PDE1C: variants seen among roughly 807,000 people sequenced by gnomAD.
PDE1C encodes the protein phosphodiesterase 1C.
Under a neutral mutation model 93.1 loss-of-function variants are expected in PDE1C, and 62 were observed. The observed-to-expected ratio is 0.67, with a 90% CI of 0.54 to 0.82. PDE1C has a LOEUF of 0.82. PDE1C is among the 40% of genes least tolerant of loss of function. The pLI is 0.00. For missense variants in PDE1C, 742 were observed against 884.6 expected (o/e 0.84, Z 2.04); for synonymous variants, 325 against 310.1 (o/e 1.05, Z -0.50).
At chr7:31,757,428 CAG>C (rs1240689264) in intron 17 of PDE1C, among the ~76,000 whole-genome samples, 1 of 152,170 alleles carries the variant, frequency 6.6e-6, no homozygotes, top group Non-Finnish European at 1.5e-5. Flanking sequence ...AATCATCTAT[CAG>C]AGTTATTCTA....
chr7:32,171,123 G>A (rs1282803254), intron 2 of PDE1C, among the ~76,000 whole-genome samples: 1 of 152,166 alleles, frequency 6.6e-6, no homozygotes, highest in East Asian at 1.9e-4. Context: ...ACATGACATG[G>A]AAGCCCTCTC....
chr7:31,802,281 T>G (rs540913163), intron 16 of PDE1C, among the ~76,000 whole-genome samples: 4 of 151,636 alleles, frequency 2.6e-5, no homozygotes, highest in Admixed American at 6.6e-5. Context: ...ATGCTCTTAA[T>G]TTACCTCAAT....
intron 2 of PDE1C, among the ~76,000 whole-genome samples, chr7:32,023,392 T>C (rs1788953358): frequency 6.6e-6 from 1 of 152,132 alleles, no homozygotes; most frequent in Non-Finnish European, 1.5e-5. Context: ...TACAATCTGA[T>C]GACTTTTTTT....
chr7:31,865,709 G>A (rs1445729170), intron 6 of PDE1C, among the ~76,000 whole-genome samples: 3 of 151,960 alleles, frequency 2.0e-5, no homozygotes, highest in African/African-American at 4.8e-5. Context: ...ACAGACTATC[G>A]CATTTTGGTT....
At chr7:32,063,202 T>C (rs1795011448) in intron 1 of PDE1C, among the ~76,000 whole-genome samples, 1 of 152,270 alleles carries the variant, frequency 6.6e-6, no homozygotes, top group Non-Finnish European at 1.5e-5. Context: ...TCTATTGTAA[T>C]GTGCCTTATA....
At chr7:31,887,830 T>C (rs1051559690) in intron 2 of PDE1C, among the ~76,000 whole-genome samples, 2 of 152,220 alleles carry the variant, frequency 1.3e-5, no homozygotes, top group Non-Finnish European at 2.9e-5. Flanking sequence ...TTCAAGTGTA[T>C]GGAAATTTAG....
intron 1 of PDE1C, among the ~76,000 whole-genome samples, chr7:32,413,839 A>C (rs543585744): frequency 6.6e-6 from 1 of 152,218 alleles, no homozygotes; most frequent in East Asian, 1.9e-4. Context: ...CATTATAACT[A>C]TGTCTCAGAA....
the PDE1C span, chr7:31,643,739 C>G: frequency 6.2e-7 from 1 of 1,614,046 alleles, no homozygotes; most frequent in East Asian, 2.2e-5. Context: ...TCAGGCTTCT[C>G]TAGTATCTGC....
chr7:31,671,375 A>G, the PDE1C span, among the ~76,000 whole-genome samples: 1 of 152,192 alleles, frequency 6.6e-6, no homozygotes, highest in South Asian at 2.1e-4. Flanking sequence ...CAAGGGGTTG[A>G]GTGCAGCAAG....
At chr7:32,397,013 C>T (rs1049152441) in intron 1 of PDE1C, among the ~76,000 whole-genome samples, 24 of 152,058 alleles carry the variant, frequency 1.6e-4, no homozygotes, top group African/African-American at 3.9e-4. Flanking sequence ...AATTAAAAAA[C>T]GAAACCAAAT....
At chr7:31,683,606 C>G in the PDE1C span, among the ~76,000 whole-genome samples, 1 of 152,020 alleles carries the variant, frequency 6.6e-6, no homozygotes, top group African/African-American at 2.4e-5. Flanking sequence ...TGGAGACAAC[C>G]AACGAGATCC....
At chr7:31,929,755 G>A (rs553043638) in intron 2 of PDE1C, among the ~76,000 whole-genome samples, 41 of 152,220 alleles carry the variant, frequency 2.7e-4, no homozygotes, top group Admixed American at 7.2e-4. Flanking sequence ...AAGACACAAC[G>A]TATCAGAATC....
chr7:31,829,771 T>A (rs763547740), intron 11 of PDE1C, among the ~76,000 whole-genome samples: 1 of 152,134 alleles, frequency 6.6e-6, no homozygotes, highest in Non-Finnish European at 1.5e-5. Flanking sequence ...AACTGCTCTC[T>A]CAAGTGGCAT....
At chr7:31,896,944 G>C (rs553807242) in intron 2 of PDE1C, among the ~76,000 whole-genome samples, 14 of 152,234 alleles carry the variant, frequency 9.2e-5, no homozygotes, top group Non-Finnish European at 2.1e-4. Flanking sequence ...ATGTTAACAT[G>C]CATTGCTGGA....
chr7:32,138,256 A>G (rs980709082), intron 3 of PDE1C, among the ~76,000 whole-genome samples: 2 of 152,226 alleles, frequency 1.3e-5, no homozygotes, highest in Non-Finnish European at 2.9e-5. Flanking sequence ...AAACTAATGT[A>G]CCACATAGTA....
At chr7:32,030,325 C>T (rs890488543) in intron 2 of PDE1C, among the ~76,000 whole-genome samples, 1 of 151,976 alleles carries the variant, frequency 6.6e-6, no homozygotes, top group African/African-American at 2.4e-5. Flanking sequence ...TATCCCAAAT[C>T]AAAATTTAAT....
intron 2 of PDE1C, among the ~76,000 whole-genome samples, chr7:31,968,530 C>T (rs62456056): frequency 0.071 from 10,819 of 152,042 alleles, 587 homozygotes; most frequent in East Asian, 0.32. Flanking sequence ...AATGGCCATA[C>T]TGCCCAAGGT....
chr7:32,174,215 A>G (rs1802835320), intron 2 of PDE1C, among the ~76,000 whole-genome samples: 1 of 152,174 alleles, frequency 6.6e-6, no homozygotes, highest in Admixed American at 6.5e-5. Context: ...CCTTACAAAA[A>G]AGTTCCTGCA....
chr7:31,879,907 AT>A (rs912955304), intron 3 of PDE1C, among the ~76,000 whole-genome samples: 16 of 150,738 alleles, frequency 1.1e-4, no homozygotes, highest in South Asian at 2.1e-4. Flanking sequence ...AGGTGTTTGG[AT>A]TTTTTTTTTC....
Sources: allele counts gnomAD v4.1 joint callset (sites outside exome capture counted in the v4.1 genomes callset), GRCh38; gene constraint gnomAD v4.1.1; transcripts MANE v1.5; gene names NCBI Gene and HGNC (gene_info 2026-07-23, HGNC 2026-07-21).